Variants in ZMYM3 observed in about 807,000 individuals in gnomAD.
ZMYM3 encodes the protein zinc finger MYM-type protein 3.
In ZMYM3, 6 loss-of-function variants were observed where a neutral mutation model predicts 94.2. The ratio of observed to expected loss-of-function variants is 0.06; its 90% CI spans 0.03 to 0.13. ZMYM3 has a LOEUF of 0.13. Among genes scored for constraint, ZMYM3 ranks in the 10% least tolerant of loss-of-function variants. The probability of loss-of-function intolerance (pLI) is 1.00; values close to 1 mark genes in which losing one functional copy is unlikely to be tolerated. For synonymous variants in ZMYM3, 420 were observed against 426.5 expected, an observed-to-expected ratio of 0.98 and a Z score of 0.19; for missense variants, 664 against 1,132.6, an observed-to-expected ratio of 0.59 and a Z score of 5.94.
In ZMYM3 at chrX:71,250,086, G is replaced by A. The variant is rs780389452; in HGVS notation, c.1191C>T (p.Ile397=). The A allele has an allele frequency of 5.0e-6, 6 of 1,203,544 alleles. No homozygotes were observed. In the African/African-American group the frequency reaches 7.0e-5, roughly 14 times the overall value. ...SLYEAQQQRP[I]PQSGDPADAT... ...CGTCGGCGGGATCCCCAGACTGGGG[G>A]ATCGGGCGCTGCTGCTGGGCCTCAT... is the stretch of plus-strand genomic sequence containing the variant. The change falls in exon 6 of 25, where the codon ATC becomes ATT. Residue 397 remains isoleucine, a synonymous_variant. Transcript: ENST00000314425.
chrX:71,245,492 A>C lies in ZMYM3; in HGVS notation c.2861-7T>G. 8.3e-7 allele frequency: 1 copy of C among 1,202,398 alleles called. No individual in the cohort carries two copies. The highest frequency in any genetic ancestry group is 1.1e-6 in the Non-Finnish European group (1 of 890,743). ...CTCTGGTTGCTCACAAGATCTGGGAAGCAGAGAAGTTGGCTCAGTGGTTAC... is the reference window on the plus strand; with the variant it reads ...CTCTGGTTGCTCACAAGATCTGGGACGCAGAGAAGTTGGCTCAGTGGTTAC... On this transcript the variant is annotated splice_polypyrimidine_tract_variant and splice_region_variant and intron_variant, in intron 17 of 24. Coordinates refer to ENST00000314425, the MANE Select transcript of ZMYM3 (RefSeq NM_201599.3).
intron 17 of ZMYM3, 65 bp from the exon 18 acceptor site, chrX:71,245,550 G>C (rs1413977148): frequency 6.0e-6 from 7 of 1,159,500 alleles, no homozygotes; most frequent in Non-Finnish European, 8.1e-6. Context: ...AAGCTTTCAG[G>C]GACTGATCCC....
chrX:71,241,132 G>A, intron 24 of ZMYM3, 24 bp from the exon 25 acceptor site: 1 of 1,199,460 alleles, frequency 8.3e-7, no homozygotes, highest in Admixed American at 2.2e-5. Flanking sequence ...GGTGGGAGTG[G>A]GAGTGGGGGT....
In ZMYM3 at chrX:71,246,530, C is replaced by T; in HGVS notation, c.2413-18G>A. 1 of 1,191,363 alleles carries T rather than the reference C, an allele frequency of 8.4e-7. No homozygotes were observed. On this transcript the variant is annotated intron_variant, in intron 14 of 24. Coordinates refer to ENST00000314425, the MANE Select transcript of ZMYM3 (RefSeq NM_201599.3). ...ACAGGGATCTGCAAAGACAGAGGAA[C>T]ATTTGTGCCACCAACCGCCGTACCC...
chrX:71,246,164 C>T, intron 15 of ZMYM3, 66 bp from the exon 16 acceptor site: 3 of 1,103,977 alleles, frequency 2.7e-6, no homozygotes, highest in East Asian at 6.0e-5. Context: ...CCACCAAAAG[C>T]TCTAACATGC....
chrX:71,250,983 C>G (rs1238466684), intron 4 of ZMYM3, among the ~76,000 whole-genome samples, 195 bp downstream of exon 4: 1 of 111,348 alleles, frequency 9.0e-6, no homozygotes, highest in Non-Finnish European at 1.9e-5. Context: ...GGAAACTCGC[C>G]ATTCTCACTG....
At position 71,239,847 on chromosome X, in the gene ZMYM3, AC is replaced by A. The variant is rs1216137246; in HGVS notation, c.*1068del. 1 of 112,532 alleles carries A rather than the reference AC, an allele frequency of 8.9e-6. No individual in the cohort carries two copies. The highest frequency in any genetic ancestry group is 1.9e-5 in the Non-Finnish European group (1 of 53,239). 9.3% of individuals were successfully genotyped at this position (112,532 alleles called of 1,213,427 possible). On this transcript the variant is annotated 3_prime_UTR_variant, in exon 25 of 25. Transcript: ENST00000314425. ...AAAGTCAACAGGGAAAGAAGTGGGT[AC>A]CCCCTTTGCCAGAAGCTAATTGTTT...
At chrX:71,241,560 A>G in intron 23 of ZMYM3, among the ~76,000 whole-genome samples, 1 of 111,357 alleles carries the variant, frequency 9.0e-6, no homozygotes, top group East Asian at 2.8e-4. Context: ...TCCCACTGCC[A>G]AAGACTCTCT....
At chrX:71,249,266 A>G in intron 7 of ZMYM3, 97 bp from the exon 8 acceptor site, 1 of 1,177,311 alleles carries the variant, frequency 8.5e-7, no homozygotes, top group Non-Finnish European at 1.1e-6. Context: ...CATACAAAAA[A>G]AGTATAGATG....
Position 71,250,111 on chromosome X carries a change from T to C in ZMYM3, c.1166A>G (p.Tyr389Cys), listed in dbSNP as rs201964505. 1.2e-4 allele frequency: 144 copies of C among 1,206,840 alleles called. No individual in the cohort carries two copies. The highest frequency in any genetic ancestry group is 2.9e-4 in the Admixed American group (13 of 45,248). The change falls in exon 6 of 25, where the codon TAT becomes TGT. Residue 389 changes from tyrosine to cysteine, a missense_variant. Physicochemically the swap from Tyr to Cys is radical, Grantham distance 194. Transcript: ENST00000314425. The part of the protein sequence containing the change: ...EFCTSVCLSL[Y>C]EAQQQRPIPQ... The stretch of plus-strand genomic sequence containing the variant: ...GATCGGGCGCTGCTGCTGGGCCTCA[T>C]ACAGGGAGAGACAGACGGATGTGCA...
rs1016722814 is a variant in ZMYM3, at chrX:71,250,090, G to A, written c.1187C>T (p.Pro396Leu). Reference sequence around the variant, plus strand: ...GGCGGGATCCCCAGACTGGGGGATCGGGCGCTGCTGCTGGGCCTCATACAG... The same window carrying A: ...GGCGGGATCCCCAGACTGGGGGATCAGGCGCTGCTGCTGGGCCTCATACAG... ...LSLYEAQQQRPIPQSGDPADA... is the reference protein window; with the variant it reads ...LSLYEAQQQRLIPQSGDPADA... The change falls in exon 6 of 25, where the codon CCG (proline) becomes CTG (leucine). Residue 396 changes from proline to leucine, a missense_variant. This residue lies in a region of ZMYM3 where 51 missense variants were observed against 53.0 expected (regional missense o/e 0.96). Transcript: ENST00000314425. The A allele has an allele frequency of 2.7e-5, 33 of 1,204,706 alleles. No homozygotes were observed. The highest frequency in any genetic ancestry group is 4.5e-5 in the Admixed American group (2 of 44,885).
rs772498369 is a variant in ZMYM3 at position 71,243,871 on chromosome X, A to G, written c.3390T>C (p.Tyr1130=). The change falls in exon 21 of 25, where the codon TAT becomes TAC. Residue 1130 remains tyrosine (Y), a synonymous_variant. Transcript: ENST00000314425. ...REITRPNGER[Y]EPDSIYYLCL... is the part of the protein sequence containing the mutation. ...ACAAATAGTAGATACTGTCAGGTTC[A>G]TATCGTTCACCATTGGGCCGAGTGA... The G allele has an allele frequency of 5.8e-6, 7 of 1,210,055 alleles. No individual in the cohort carries two copies. The Admixed American group carries it at 1.5e-4, about 26-fold the overall frequency.
chrX:71,248,111 T>C (rs985485118), intron 11 of ZMYM3, 51 bp downstream of exon 11: 1 of 1,201,299 alleles, frequency 8.3e-7, no homozygotes, highest in Non-Finnish European at 1.1e-6. Flanking sequence ...TTCTCCTCCA[T>C]TCTCCCTGGC....
chrX:71,252,507 A>C (rs2030531986), intron 2 of ZMYM3, 82 bp downstream of exon 2: 2 of 1,004,475 alleles, frequency 2.0e-6, no homozygotes, highest in Admixed American at 7.7e-5. Context: ...CCTCCTCCCC[A>C]CTACTTCCCA....
chrX:71,251,333 G>A, intron 3 of ZMYM3, 89 bp from the exon 4 acceptor site: 1 of 863,114 alleles, frequency 1.2e-6, no homozygotes, highest in African/African-American at 2.0e-5. Flanking sequence ...TAGAAGATGG[G>A]AGGGGGAAGG....
chrX:71,246,796 T>C (rs2030199862), intron 13 of ZMYM3, 104 bp from the exon 14 acceptor site: 2 of 786,787 alleles, frequency 2.5e-6, no homozygotes, highest in Admixed American at 7.2e-5. Flanking sequence ...CAAATACAGA[T>C]GGGAACTTCT....
chrX:71,242,297 A>C lies in ZMYM3; in HGVS notation c.3675T>G (p.Ala1225=). The C allele has an allele frequency of 8.3e-7, 1 of 1,211,280 alleles. No individual in the cohort carries two copies. The highest frequency in any genetic ancestry group is 1.1e-6 in the Non-Finnish European group (1 of 895,180). The part of the protein sequence containing the change: ...FNTKFFGLQT[A]EEHMQLSFTN... ...TGAAGGAGAGTTGCATGTGTTCCTC[A>C]GCTGTCTGCAGCCCAAAAAACTTAG... The change falls in exon 23 of 25, where the codon GCT becomes GCG. Residue 1225 remains alanine (A), a synonymous_variant. Coordinates refer to ENST00000314425, the MANE Select transcript of ZMYM3 (RefSeq NM_201599.3).
intron 6 of ZMYM3, 98 bp from the exon 7 acceptor site, chrX:71,249,777 A>C: frequency 8.9e-7 from 1 of 1,122,190 alleles, no homozygotes; most frequent in East Asian, 3.3e-5. Flanking sequence ...CCTTCACAGC[A>C]GACAGTGGGC....
rs1050942664 is a variant in ZMYM3 at position 71,239,799 on chromosome X, C to T, written c.*1117G>A. 8 of 112,528 alleles carry T rather than the reference C, an allele frequency of 7.1e-5. No homozygotes were observed. Among genetic ancestry groups the T allele is most frequent in the African/African-American group, 2.3e-4 (7 of 30,858 alleles). The allele number at this position is 112,528 out of a possible 1,213,427, so 9.3% of individuals were successfully genotyped here. On this transcript the variant is annotated 3_prime_UTR_variant, in exon 25 of 25. Coordinates refer to ENST00000314425, the MANE Select transcript of ZMYM3 (RefSeq NM_201599.3). ...CTAACTGGTGACAGTTATAAAAACA[C>T]AAAAAGGAGCCTGGGAAACAGCAAA...
Sources: gnomAD v4.1 joint callset for allele counts (sites outside exome capture counted in the v4.1 genomes callset) on GRCh38, gnomAD v4.1.1 for gene constraint, gnomAD v4.1.1 regional missense constraint, MANE v1.5 for transcripts, NCBI Gene and HGNC (gene_info 2026-07-23, HGNC 2026-07-21) for gene names.